The following SERPINA3 variants were observed in gnomAD, a reference collection of about 807,000 sequenced individuals.
SERPINA3 encodes alpha-1-antichymotrypsin.
SERPINA3 carries 32 observed loss-of-function variants against 26.8 expected under a neutral mutation model. The observed-to-expected ratio is 1.20, with a 90% CI of 0.90 to 1.61. The LOEUF (loss-of-function observed/expected upper bound fraction) is 1.61. Ranked by LOEUF, SERPINA3 falls within the 40% of genes most tolerant of loss-of-function variation. SERPINA3 has a pLI of 0.00. For synonymous variants in SERPINA3, 252 were observed against 206.4 expected (o/e 1.22, Z -1.89); for missense variants, 632 against 517.9 (o/e 1.22, Z -2.14).
At chr14:94,621,602 C>G (rs966435775) in intron 3 of SERPINA3, among the ~76,000 whole-genome samples, 2 of 152,136 alleles carry the variant, frequency 1.3e-5, no homozygotes, top group Admixed American at 1.3e-4. Flanking sequence ...CCTCTAGGAG[C>G]TTGCTACCTG....
At chr14:94,616,986 ATC>A (rs1318821634) in intron 2 of SERPINA3, among the ~76,000 whole-genome samples, 1 of 152,082 alleles carries the variant, frequency 6.6e-6, no homozygotes, top group African/African-American at 2.4e-5. Flanking sequence ...CACCAAACCT[ATC>A]TCTCTCCCCA....
Position 94,622,343 on chromosome 14 carries a change from A to T in SERPINA3, c.920A>T (p.Glu307Val). 1 of 1,613,898 alleles carries T rather than the reference A, an allele frequency of 6.2e-7. No individual in the cohort carries two copies. Among genetic ancestry groups the T allele is most frequent in the Non-Finnish European group, 8.5e-7 (1 of 1,179,968 alleles). ...KRWRDSLEFR[E>V]IGELYLPKFS... ...ACTTTTTTTTTCTCGTTTTCTAGAG[A>T]GATAGGTGAGCTCTACCTGCCAAAG... is the stretch of plus-strand genomic sequence containing the variant. Residue 307 changes from glutamate to valine, a missense_variant and splice_region_variant, in exon 4 of 5, where the codon GAG (glutamate) becomes GTG (valine). Transcript: ENST00000393078.
chr14:94,614,583 G>T lies in SERPINA3; in HGVS notation c.142G>T (p.Gly48Ter). 3.7e-6 allele frequency: 6 copies of T among 1,614,150 alleles called. No individual in the cohort carries two copies. Among genetic ancestry groups the T allele is most frequent in the Non-Finnish European group, 5.1e-6 (6 of 1,180,036 alleles). ...NQDRGTHVDL[G>*]LASANVDFAF... ...AGACCGAGGGACACACGTGGACCTCGGATTAGCCTCCGCCAACGTGGACTT... is the reference window on the plus strand; with the variant it reads ...AGACCGAGGGACACACGTGGACCTCTGATTAGCCTCCGCCAACGTGGACTT... The change falls in exon 2 of 5, where the codon GGA (glycine) becomes TGA (stop). Residue 48 changes from glycine to a stop codon, truncating the protein, a stop_gained. Transcript: ENST00000393078. LOFTEE classifies it high-confidence loss of function.
At position 94,623,669 on chromosome 14, in the gene SERPINA3, C is replaced by T. The variant is rs778007551; in HGVS notation, c.1127C>T (p.Thr376Ile). 1.9e-5 allele frequency: 31 copies of T among 1,614,058 alleles called. No homozygotes were observed. The Admixed American group carries it at 2.7e-4, about 14-fold the overall frequency. Residue 376 changes from threonine to isoleucine, a missense_variant, in exon 5 of 5, where the codon ACA becomes ATA. Thr to Ile is a moderately conservative substitution (Grantham distance 89). Coordinates refer to ENST00000393078, the MANE Select transcript of SERPINA3 (RefSeq NM_001085.5). ...GAGGGCACAGAAGCATCTGCTGCCA[C>T]AGCAGTCAAAATCACCCTCCTTTCT... ...FEEGTEASAA[T>I]AVKITLLSAL...
rs775748098 is a variant in SERPINA3 at position 94,614,549 on chromosome 14, G to A, written c.108G>A (p.Gln36=). ...NSPLDEENLT[Q]ENQDRGTHVD... ...CACTTGACGAGGAGAATCTGACCCA[G>A]GAGAACCAAGACCGAGGGACACACG... is the stretch of plus-strand genomic sequence containing the variant. The change falls in exon 2 of 5, where the codon CAG becomes CAA. Residue 36 remains glutamine (Q), a synonymous_variant. Coordinates refer to ENST00000393078, the MANE Select transcript of SERPINA3 (RefSeq NM_001085.5). 5.6e-6 allele frequency: 9 copies of A among 1,613,988 alleles called. No individual in the cohort carries two copies. Among genetic ancestry groups the A allele is most frequent in the South Asian group, 2.2e-5 (2 of 91,082 alleles).
At chr14:94,620,819 C>T (rs1886173670) in intron 3 of SERPINA3, among the ~76,000 whole-genome samples, 1 of 152,122 alleles carries the variant, frequency 6.6e-6, no homozygotes, top group Non-Finnish European at 1.5e-5. Context: ...GGGCCCAGAC[C>T]CTGCAGTGGG....
At position 94,623,779 on chromosome 14, in the gene SERPINA3, T is replaced by G; in HGVS notation, c.1237T>G (p.Phe413Val). Reference sequence around the variant, plus strand: ...CCCTACAGACACCCAGAACATCTTCTTCATGAGCAAAGTCACCAATCCCAA... The same window carrying G: ...CCCTACAGACACCCAGAACATCTTCGTCATGAGCAAAGTCACCAATCCCAA... ...IVPTDTQNIF[F>V]MSKVTNPKQA Residue 413 changes from phenylalanine to valine, a missense_variant, in exon 5 of 5, where the codon TTC becomes GTC. Coordinates refer to ENST00000393078, the MANE Select transcript of SERPINA3 (RefSeq NM_001085.5). 6.2e-7 allele frequency: 1 copy of G among 1,614,174 alleles called. No homozygotes were observed. The highest frequency in any genetic ancestry group is 8.5e-7 in the Non-Finnish European group (1 of 1,180,026).
chr14:94,615,659 T>C (rs950545593), intron 2 of SERPINA3: 16 of 311,534 alleles, frequency 5.1e-5, no homozygotes, highest in African/African-American at 2.7e-4. Context: ...TTAAAAAATA[T>C]GTCACTGACA....
At chr14:94,618,981 G>T in intron 2 of SERPINA3, 1 of 628,120 alleles carries the variant, frequency 1.6e-6, no homozygotes, top group Non-Finnish European at 2.8e-6. Flanking sequence ...TTAGCACAAG[G>T]AACTAGGTCT....
Position 94,612,456 on chromosome 14 carries a change from T to C in SERPINA3, c.-9+9T>C, listed in dbSNP as rs779877967. 7.4e-7 allele frequency: 1 copy of C among 1,355,934 alleles called. No homozygotes were observed. Among genetic ancestry groups the C allele is most frequent in the South Asian group, 1.1e-5 (1 of 87,112 alleles). 84.0% of individuals were successfully genotyped at this position (1,355,934 alleles called of 1,614,324 possible). On this transcript the variant is annotated intron_variant, in intron 1 of 4. Coordinates refer to ENST00000393078, the MANE Select transcript of SERPINA3 (RefSeq NM_001085.5). ...CCAGCTCCCTGAGGCAGGTAATCCA[T>C]GATGTTTTACATCCTGGGAGCGGAG...
chr14:94,613,588 G>C (rs1353472078), intron 1 of SERPINA3: 1 of 152,184 alleles, frequency 6.6e-6, no homozygotes, highest in African/African-American at 2.4e-5. Flanking sequence ...CAGGTTGAGA[G>C]ATGTACAGTC....
chr14:94,619,687 C>T (rs1210899920), intron 3 of SERPINA3: 1 of 601,640 alleles, frequency 1.7e-6, no homozygotes, highest in Non-Finnish European at 3.0e-6. Flanking sequence ...CTTCCTCTGA[C>T]TCCAGCATGT....
Position 94,623,947 on chromosome 14 carries a change from G to A in SERPINA3, c.*133G>A. ...GTGTGGCCCTGTCTGCTTATCCTTG[G>A]AAGGTGACAGCGATTCCCTGTGTAG... On this transcript the variant is annotated 3_prime_UTR_variant, in exon 5 of 5. Transcript: ENST00000393078. 1.2e-6 allele frequency: 1 copy of A among 804,790 alleles called. No homozygotes were observed. Among genetic ancestry groups the A allele is most frequent in the Admixed American group, 1.8e-5 (1 of 54,430 alleles). 49.9% of individuals were successfully genotyped at this position (804,790 alleles called of 1,614,324 possible).
chr14:94,623,833 G>GA lies in SERPINA3; in HGVS notation c.*19_*20insA, dbSNP rs766408893. 49 of 1,609,146 alleles carry GA rather than the reference G, an allele frequency of 3.0e-5. No homozygotes were observed. In the East Asian group the frequency reaches 1.0e-3, roughly 34 times the overall value. ...AGCCTAGAGCTTGCCATCAAGCAGT[G>GA]GGGCTCTCAGTAAGGAACTTGGAAT... On this transcript the variant is annotated 3_prime_UTR_variant, in exon 5 of 5. Coordinates refer to ENST00000393078, the MANE Select transcript of SERPINA3 (RefSeq NM_001085.5).
chr14:94,623,496 G>A, intron 4 of SERPINA3, 115 bp from the exon 5 acceptor site: 1 of 953,414 alleles, frequency 1.0e-6, no homozygotes, highest in Non-Finnish European at 1.7e-6. Flanking sequence ...ACAGCACAAA[G>A]ACAGGCCAGC....
chr14:94,619,366 C>T lies in SERPINA3; in HGVS notation c.815C>T (p.Ala272Val). The T allele has an allele frequency of 1.9e-6, 3 of 1,614,172 alleles. No homozygotes were observed. Among genetic ancestry groups the T allele is most frequent in the Non-Finnish European group, 2.5e-6 (3 of 1,180,008 alleles). The change falls in exon 3 of 5, where the codon GCC becomes GTC. Residue 272 changes from alanine (A) to valine (V), a missense_variant. Transcript: ENST00000393078. Reference sequence around the variant, plus strand: ...GTGGAGCTGAAGTACACAGGCAATGCCAGCGCACTCTTCATCCTCCCTGAT... The same window carrying T: ...GTGGAGCTGAAGTACACAGGCAATGTCAGCGCACTCTTCATCCTCCCTGAT... The part of the protein sequence containing the change: ...TVVELKYTGN[A>V]SALFILPDQD...
At chr14:94,618,845 C>A (rs555883574) in intron 2 of SERPINA3, 2 of 422,452 alleles carry the variant, frequency 4.7e-6, no homozygotes, top group South Asian at 2.3e-5. Flanking sequence ...TTTTATGGAA[C>A]AAAGGCTGTC....
At chr14:94,615,743 A>G (rs1184373864) in intron 2 of SERPINA3, among the ~76,000 whole-genome samples, 2 of 152,242 alleles carry the variant, frequency 1.3e-5, no homozygotes, top group Non-Finnish European at 2.9e-5. Context: ...TATACAAAAC[A>G]TGACCCTTTG....
chr14:94,622,164 T>C (rs1886223725), intron 3 of SERPINA3, among the ~76,000 whole-genome samples, 177 bp from the exon 4 acceptor site: 2 of 152,140 alleles, frequency 1.3e-5, no homozygotes, highest in Non-Finnish European at 2.9e-5. Flanking sequence ...TCTGAATGAA[T>C]AATTAATGAA....
Sources: gnomAD v4.1 joint callset for allele counts (sites outside exome capture counted in the v4.1 genomes callset) on GRCh38, gnomAD v4.1.1 for gene constraint, MANE v1.5 for transcripts, NCBI Gene and HGNC (gene_info 2026-07-23, HGNC 2026-07-21) for gene names.